ULK4: variants seen among roughly 807,000 people sequenced by gnomAD.
ULK4 encodes the protein unc-51 like kinase 4, also known as inactive serine/threonine-protein kinase ULK4.
In ULK4, 133 loss-of-function variants were observed where a neutral mutation model predicts 160.6. The ratio of observed to expected loss-of-function variants is 0.83; its 90% confidence interval spans 0.72 to 0.96. ULK4 has a LOEUF of 0.96. Ranked by LOEUF, ULK4 falls within the 40% of genes least tolerant of loss-of-function variation. ULK4 has a pLI of 0.00. For synonymous variants in ULK4, 534 were observed against 539.8 expected (o/e 0.99, Z 0.15); for missense variants, 1,580 against 1,499.5 (o/e 1.05, Z -0.89).
At position 41,867,448 on chromosome 3, in the gene ULK4, T is replaced by C. The variant is rs547869580; in HGVS notation, c.1656+16426A>G. On this transcript the variant is annotated intron_variant, in intron 17 of 36. Transcript: ENST00000301831. Reference sequence around the variant, plus strand: ...GTGCAGTGACAAGATTCTGGCTCACTGCTAACTCCGCCTCACAGATTTAAG... The same window carrying C: ...GTGCAGTGACAAGATTCTGGCTCACCGCTAACTCCGCCTCACAGATTTAAG... Among the ~76,000 whole-genome samples, 3 of 152,334 alleles carry C rather than the reference T, an allele frequency of 2.0e-5. No individual in the cohort carries two copies. In the South Asian group the frequency reaches 6.2e-4, roughly 32 times the overall value.
intron 30 of ULK4, among the ~76,000 whole-genome samples, chr3:41,616,478 C>T (rs573952358): frequency 1.3e-5 from 2 of 152,288 alleles, no homozygotes; most frequent in Admixed American, 1.3e-4. Flanking sequence ...GGCATTGGGT[C>T]CAACCCACAG....
intron 12 of ULK4, among the ~76,000 whole-genome samples, chr3:41,902,451 G>A (rs1186808198): frequency 3.3e-5 from 5 of 151,778 alleles, no homozygotes; most frequent in Admixed American, 6.6e-5. Context: ...GGTGGCAGGC[G>A]CCTGTAATCC....
At chr3:41,611,352 G>A (rs1218753852) in intron 31 of ULK4, among the ~76,000 whole-genome samples, 7 of 152,132 alleles carry the variant, frequency 4.6e-5, no homozygotes, top group Non-Finnish European at 1.0e-4. Flanking sequence ...TTTTTTGTAA[G>A]CCATCAGCTG....
At position 41,638,719 on chromosome 3, in the gene ULK4, T is replaced by C. The variant is rs374881327; in HGVS notation, c.3072-23002A>G. On this transcript the variant is annotated intron_variant, in intron 30 of 36. Coordinates refer to ENST00000301831, the MANE Select transcript of ULK4 (RefSeq NM_017886.4). The stretch of plus-strand genomic sequence containing the variant: ...ACTGTAATGTATTCTGGCCAATAAC[T>C]GTCATCACATAAAATCAGAAGACTC... 5.2e-4 allele frequency among the ~76,000 whole-genome samples: 79 copies of C among 152,342 alleles called. 2 individuals carry two copies. In the South Asian group the frequency reaches 0.016, roughly 31 times the overall value.
intron 35 of ULK4, among the ~76,000 whole-genome samples, chr3:41,384,837 G>A (rs1168438302): frequency 6.6e-6 from 1 of 152,084 alleles, no homozygotes; most frequent in Non-Finnish European, 1.5e-5. Context: ...CACCCACCTC[G>A]GCCTCCCAAA....
At chr3:41,831,033 T>C (rs747490528) in intron 18 of ULK4, among the ~76,000 whole-genome samples, 8 of 89,502 alleles carry the variant, frequency 8.9e-5, no homozygotes, top group Non-Finnish European at 1.5e-4. Context: ...TATTTATTTA[T>C]TGATTTATTT....
rs555290815 is a variant in ULK4, at chr3:41,470,455, C to A, written c.3227-7202G>T. On this transcript the variant is annotated intron_variant, in intron 32 of 36. Transcript: ENST00000301831. Reference sequence around the variant, plus strand: ...ACGGAATTCATCACCACTAGGCTTGCCTTACATGATTGGCTAAAGAGAGTT... The same window carrying A: ...ACGGAATTCATCACCACTAGGCTTGACTTACATGATTGGCTAAAGAGAGTT... 3.3e-4 allele frequency among the ~76,000 whole-genome samples: 50 copies of A among 152,272 alleles called. 1 individual carries two copies. Among genetic ancestry groups the A allele is most frequent in the African/African-American group, 1.2e-3 (48 of 41,564 alleles).
intron 19 of ULK4, among the ~76,000 whole-genome samples, chr3:41,810,275 T>C (rs1474460242): frequency 6.6e-6 from 1 of 152,208 alleles, no homozygotes; most frequent in Non-Finnish European, 1.5e-5. Flanking sequence ...CTATGAACTT[T>C]CCTTTCAATC....
intron 30 of ULK4, among the ~76,000 whole-genome samples, chr3:41,629,560 A>C (rs2033665387): frequency 6.6e-6 from 1 of 152,200 alleles, no homozygotes. Flanking sequence ...ATGGAGTGCA[A>C]CTAGACTCCA....
intron 29 of ULK4, among the ~76,000 whole-genome samples, chr3:41,673,174 C>A (rs2035594482): frequency 6.6e-6 from 1 of 151,796 alleles, no homozygotes; most frequent in African/African-American, 2.4e-5. Context: ...ATTATGTAAG[C>A]AAAGAACAAA....
chr3:41,445,531 G>A (rs1390516828), intron 34 of ULK4, among the ~76,000 whole-genome samples: 1 of 151,966 alleles, frequency 6.6e-6, no homozygotes, highest in African/African-American at 2.4e-5. Context: ...CAGAGATATA[G>A]ATCAATGGAA....
At chr3:41,662,614 G>A (rs1326218406) in intron 30 of ULK4, among the ~76,000 whole-genome samples, 1 of 152,170 alleles carries the variant, frequency 6.6e-6, no homozygotes, top group Non-Finnish European at 1.5e-5. Flanking sequence ...CAAGATGGTT[G>A]GGGCTATGTG....
intron 32 of ULK4, among the ~76,000 whole-genome samples, chr3:41,496,994 A>G (rs1455737452): frequency 1.3e-5 from 2 of 151,898 alleles, no homozygotes; most frequent in Non-Finnish European, 2.9e-5. Flanking sequence ...CCATGCAATC[A>G]AAAATTATTA....
intron 35 of ULK4, among the ~76,000 whole-genome samples, chr3:41,385,775 T>C (rs1313570591): frequency 2.0e-5 from 3 of 152,188 alleles, no homozygotes; most frequent in African/African-American, 4.8e-5. Context: ...CTTGCTTGCT[T>C]TGTCAGCAGT....
At chr3:41,811,285 C>T (rs1228655276) in intron 19 of ULK4, among the ~76,000 whole-genome samples, 1 of 152,210 alleles carries the variant, frequency 6.6e-6, no homozygotes, top group Non-Finnish European at 1.5e-5. Context: ...CAGCCTCAAA[C>T]TCCTGGGCTC....
At chr3:41,602,116 A>T (rs890591310) in intron 31 of ULK4, among the ~76,000 whole-genome samples, 9 of 152,010 alleles carry the variant, frequency 5.9e-5, no homozygotes, top group Admixed American at 3.3e-4. Flanking sequence ...GGATCACTTG[A>T]GCTCAGGAAT....
chr3:41,847,873 A>C (rs1333319642), intron 17 of ULK4, among the ~76,000 whole-genome samples: 1 of 152,238 alleles, frequency 6.6e-6, no homozygotes, highest in Non-Finnish European at 1.5e-5. Flanking sequence ...TGGTTAAAAA[A>C]GAAAATGGAC....
intron 27 of ULK4, among the ~76,000 whole-genome samples, chr3:41,686,819 C>T (rs1159026126): frequency 6.6e-6 from 1 of 152,104 alleles, no homozygotes; most frequent in Non-Finnish European, 1.5e-5. Context: ...TACCTGGGCC[C>T]AGCATCAGGA....
chr3:41,251,545 C>T (rs2078742498), intron 35 of ULK4, among the ~76,000 whole-genome samples: 1 of 152,158 alleles, frequency 6.6e-6, no homozygotes, highest in Non-Finnish European at 1.5e-5. Context: ...GCAACAAACC[C>T]AAACCCCAAA....
Sources: gnomAD v4.1 joint callset for allele counts (sites outside exome capture counted in the v4.1 genomes callset) on GRCh38, gnomAD v4.1.1 for gene constraint, MANE v1.5 for transcripts, NCBI Gene and HGNC (gene_info 2026-07-23, HGNC 2026-07-21) for gene names.